Variants in RPTOR observed in about 807,000 individuals in gnomAD.
The protein encoded by RPTOR is regulatory-associated protein of mTOR.
In RPTOR, 21 loss-of-function variants were observed where a neutral mutation model predicts 169.9. The observed-to-expected ratio is 0.12, with a 90% CI of 0.09 to 0.18. The LOEUF (loss-of-function observed/expected upper bound fraction) is 0.18. Ranked by LOEUF, RPTOR falls within the 10% of genes least tolerant of loss-of-function variation. The pLI is 1.00. For synonymous variants in RPTOR, 732 were observed against 753.2 expected (o/e 0.97, Z 0.46); for missense variants, 1,133 against 1,855.9 (o/e 0.61, Z 7.16).
chr17:80,951,002 C>T (rs901706988), intron 28 of RPTOR, among the ~76,000 whole-genome samples: 5 of 152,154 alleles, frequency 3.3e-5, no homozygotes, highest in Non-Finnish European at 4.4e-5. Flanking sequence ...TCGGACCTGC[C>T]GGAAATGCAG....
chr17:80,647,821 C>T (rs527348326), intron 3 of RPTOR, among the ~76,000 whole-genome samples: 40 of 152,160 alleles, frequency 2.6e-4, no homozygotes, highest in African/African-American at 7.0e-4. Context: ...TCCTGTGTGG[C>T]GGCCGTGGGG....
chr17:80,793,689 G>A (rs535317402), intron 7 of RPTOR, among the ~76,000 whole-genome samples: 389 of 152,282 alleles, frequency 2.6e-3, no homozygotes, highest in Middle Eastern at 6.8e-3. Flanking sequence ...TGGCTACTCC[G>A]GACAGAGCCC....
At chr17:80,717,319 T>C (rs148815430) in intron 4 of RPTOR, among the ~76,000 whole-genome samples, 4 of 152,312 alleles carry the variant, frequency 2.6e-5, no homozygotes, top group African/African-American at 9.6e-5. Context: ...AGGTCTTTGT[T>C]CTATGAACCG....
Position 80,721,188 on chromosome 17 carries a change from C to T in RPTOR, c.508-9372C>T, listed in dbSNP as rs1672346395. On this transcript the variant is annotated intron_variant, in intron 4 of 33. Coordinates refer to ENST00000306801, the MANE Select transcript of RPTOR (RefSeq NM_020761.3). This position sits in a 1 kb window ranked among gnomAD's most constrained non-coding sequence, Gnocchi z 4.7. ...TGACAGGAAGTAGTCCCCTCTGACCCGGTGACACCGTGGGGAGCAGGTGAT... is the reference window on the plus strand; with the variant it reads ...TGACAGGAAGTAGTCCCCTCTGACCTGGTGACACCGTGGGGAGCAGGTGAT... Among the ~76,000 whole-genome samples the T allele has an allele frequency of 6.6e-6, 1 of 150,742 alleles. No homozygotes were observed. The highest frequency in any genetic ancestry group is 1.5e-5 in the Non-Finnish European group (1 of 68,010).
intron 24 of RPTOR, among the ~76,000 whole-genome samples, chr17:80,939,687 T>A (rs976674312): frequency 7.9e-5 from 12 of 152,174 alleles, no homozygotes; most frequent in African/African-American, 1.2e-4. Context: ...CTTCCTTCTG[T>A]CTCGTAAGCT....
chr17:80,774,795 G>A lies in RPTOR; in HGVS notation c.831-16655G>A, dbSNP rs117939804. On this transcript the variant is annotated intron_variant, in intron 6 of 33. Transcript: ENST00000306801. Reference sequence around the variant, plus strand: ...TCCTGAGGACTCGCTGTGTGCAGGGGACCGTAAGATGCCACAGAGAAATCA... The same window carrying A: ...TCCTGAGGACTCGCTGTGTGCAGGGAACCGTAAGATGCCACAGAGAAATCA... Among the ~76,000 whole-genome samples the A allele has an allele frequency of 5.2e-3, 794 of 152,332 alleles. 5 individuals carry two copies. Among genetic ancestry groups the A allele is most frequent in the Non-Finnish European group, 8.3e-3 (564 of 68,024 alleles).
intron 3 of RPTOR, among the ~76,000 whole-genome samples, chr17:80,650,225 G>A (rs919690267): frequency 2.6e-5 from 4 of 152,220 alleles, no homozygotes; most frequent in African/African-American, 7.2e-5. Flanking sequence ...GGCCAGCCCT[G>A]TGTTGGACTC....
intron 1 of RPTOR, among the ~76,000 whole-genome samples, chr17:80,578,996 C>G (rs1439619776): frequency 2.0e-5 from 3 of 152,100 alleles, no homozygotes; most frequent in African/African-American, 7.2e-5. Flanking sequence ...GTTTTGTCCC[C>G]TTGCAACTCT....
intron 1 of RPTOR, among the ~76,000 whole-genome samples, chr17:80,556,019 G>T (rs1206512580): frequency 2.0e-5 from 3 of 146,386 alleles, no homozygotes; most frequent in Non-Finnish European, 4.5e-5. Context: ...GATCTAAAAA[G>T]TTTTTTGTTT....
In RPTOR at chr17:80,945,786, G is replaced by GCTGGAC; in HGVS notation, c.3140+6_3140+7insTGGACC. 1 of 1,574,234 alleles carries GCTGGAC rather than the reference G, an allele frequency of 6.4e-7. No homozygotes were observed. ...AGCCGACAAGGACAGCATCTGGTAT[G>GCTGGAC]CACCGCGCTGGTCAGGCCTCCCTTC... On this transcript the variant is annotated splice_donor_region_variant and intron_variant, in intron 26 of 33. Transcript: ENST00000306801.
At chr17:80,868,243 A>G (rs1013711264) in intron 13 of RPTOR, among the ~76,000 whole-genome samples, 1 of 152,212 alleles carries the variant, frequency 6.6e-6, no homozygotes, top group African/African-American at 2.4e-5. Flanking sequence ...ATGAAAACAA[A>G]CACAAGCAGA....
rs1357580602 is a variant in RPTOR, at chr17:80,586,353, TG to T, written c.163-39337del. Among the ~76,000 whole-genome samples the T allele has an allele frequency of 3.3e-5, 5 of 152,328 alleles. No homozygotes were observed. The South Asian group carries it at 1.0e-3, about 32-fold the overall frequency. ...CTCCTGCCTGCCCCGTGATCCTGTA[TG>T]TAGTAACCACGTCGTGATCACAGGT... On this transcript the variant is annotated intron_variant, in intron 1 of 33. Coordinates refer to ENST00000306801, the MANE Select transcript of RPTOR (RefSeq NM_020761.3).
chr17:80,841,815 G>A (rs1274387718), intron 10 of RPTOR, among the ~76,000 whole-genome samples: 16 of 105,494 alleles, frequency 1.5e-4, no homozygotes, highest in African/African-American at 6.1e-4. Context: ...CTCACCGCAC[G>A]GCAGCTCACT....
intron 6 of RPTOR, among the ~76,000 whole-genome samples, chr17:80,769,639 G>T (rs2066822088): frequency 6.6e-6 from 1 of 152,156 alleles, no homozygotes; most frequent in Non-Finnish European, 1.5e-5. Flanking sequence ...CCTTCTGCTT[G>T]CCTTGGAGGC....
intron 6 of RPTOR, among the ~76,000 whole-genome samples, chr17:80,773,502 A>C (rs1461215562): frequency 6.6e-6 from 1 of 151,924 alleles, no homozygotes; most frequent in Non-Finnish European, 1.5e-5. Context: ...GTTGGACTTA[A>C]AGTTTGTTGG....
intron 1 of RPTOR, among the ~76,000 whole-genome samples, chr17:80,598,170 T>TG (rs1317428131): frequency 2.0e-5 from 3 of 151,724 alleles, no homozygotes; most frequent in African/African-American, 7.3e-5. Flanking sequence ...GCTTGAGATG[T>TG]GGGGCGTGTG....
chr17:80,859,628 G>A (rs1567953318), intron 13 of RPTOR, among the ~76,000 whole-genome samples: 1 of 152,186 alleles, frequency 6.6e-6, no homozygotes, highest in Non-Finnish European at 1.5e-5. Flanking sequence ...TCCCTGCTTG[G>A]TTTTGAAGCA....
At chr17:80,874,884 A>G (rs556113135) in intron 13 of RPTOR, among the ~76,000 whole-genome samples, 1 of 152,326 alleles carries the variant, frequency 6.6e-6, no homozygotes, top group African/African-American at 2.4e-5. Flanking sequence ...CACCCCGCTC[A>G]TAACAAGGGC....
At chr17:80,696,714 G>T (rs2066039980) in intron 3 of RPTOR, among the ~76,000 whole-genome samples, 1 of 152,228 alleles carries the variant, frequency 6.6e-6, no homozygotes, top group South Asian at 2.1e-4. Context: ...GCCGAACTCA[G>T]CCGTTTGCAG....
Sources: gnomAD v4.1 joint callset for allele counts (sites outside exome capture counted in the v4.1 genomes callset) on GRCh38, gnomAD v4.1.1 for gene constraint, Gnocchi (gnomAD v3.1) non-coding constraint, MANE v1.5 for transcripts, NCBI Gene and HGNC (gene_info 2026-07-23, HGNC 2026-07-21) for gene names.